KSR2: variants seen among roughly 807,000 people sequenced by gnomAD.
The protein encoded by KSR2 is kinase suppressor of ras 2.
A neutral mutation model predicts 107.8 loss-of-function variants in KSR2; 25 were observed. That is an observed-to-expected ratio of 0.23 (90% CI 0.17 to 0.32). KSR2 has a LOEUF of 0.32. Among genes scored for constraint, KSR2 ranks in the 10% least tolerant of loss-of-function variants. The pLI is 1.00. For missense variants in KSR2, 887 were observed against 1,268.9 expected, an observed-to-expected ratio of 0.70 and a Z score of 4.57; for synonymous variants, 480 against 507.0, an observed-to-expected ratio of 0.95 and a Z score of 0.71.
chr12:117,946,940 G>T (rs1315039335), intron 1 of KSR2, among the ~76,000 whole-genome samples: 2 of 151,792 alleles, frequency 1.3e-5, no homozygotes, highest in South Asian at 4.2e-4. Context: ...CGAGGCAGAC[G>T]GATTACTTGA....
intron 5 of KSR2, among the ~76,000 whole-genome samples, chr12:117,648,977 G>A (rs556880515): frequency 6.6e-6 from 1 of 152,182 alleles, no homozygotes; most frequent in South Asian, 2.1e-4. Flanking sequence ...CTGCCTGTCT[G>A]TTTGCTGTCT....
chr12:117,881,213 C>T (rs1003586087), intron 1 of KSR2, among the ~76,000 whole-genome samples: 2 of 152,124 alleles, frequency 1.3e-5, no homozygotes, highest in East Asian at 1.9e-4. Context: ...AGGCCTTTTC[C>T]GTAAGCAACA....
intron 14 of KSR2, among the ~76,000 whole-genome samples, chr12:117,501,443 G>A (rs756765943): frequency 6.6e-6 from 1 of 152,162 alleles, no homozygotes; most frequent in Non-Finnish European, 1.5e-5. Context: ...ATTGGGGTGC[G>A]GTTAAGGTCA....
chr12:117,695,542 C>A (rs1274795780), intron 4 of KSR2, among the ~76,000 whole-genome samples: 374 of 131,044 alleles, frequency 2.9e-3, no homozygotes, highest in East Asian at 7.0e-3. Flanking sequence ...CCCATTTCTA[C>A]AAAAAAAAAA....
At chr12:117,885,276 A>G (rs1414080978) in intron 1 of KSR2, among the ~76,000 whole-genome samples, 1 of 152,212 alleles carries the variant, frequency 6.6e-6, no homozygotes, top group Admixed American at 6.5e-5. Flanking sequence ...CTTTCTACGT[A>G]GAAGGCATGA....
chr12:117,761,025 C>T lies in KSR2; in HGVS notation c.972G>A (p.Glu324=). The change falls in exon 4 of 20, where the codon GAG becomes GAA. Residue 324 remains glutamate (E), a synonymous_variant. Transcript: ENST00000339824. ...HEFQLGHRVD[E]AHTPKAKKKS... ...ATCGCACTCACTTGGGCGTGTGGGC[C>T]TCGTCCACGCGGTGCCCCAGCTGGA... is the stretch of plus-strand genomic sequence containing the variant. 6.2e-7 allele frequency: 1 copy of T among 1,613,700 alleles called. No homozygotes were observed. The highest frequency in any genetic ancestry group is 1.3e-5 in the African/African-American group (1 of 75,058).
At chr12:117,957,767 A>ACACACACACG (rs1469785017) in intron 1 of KSR2, among the ~76,000 whole-genome samples, 1 of 150,266 alleles carries the variant, frequency 6.7e-6, no homozygotes, top group Admixed American at 6.7e-5. Context: ...ACACACACAC[A>ACACACACACG]CACACGCACA....
intron 1 of KSR2, among the ~76,000 whole-genome samples, chr12:117,900,569 T>C (rs1479880946): frequency 6.8e-6 from 1 of 146,710 alleles, no homozygotes; most frequent in Non-Finnish European, 1.5e-5. Flanking sequence ...TATATATATA[T>C]ATGTTGCATC....
chr12:117,907,131 C>G lies in KSR2; in HGVS notation c.181-46700G>C, dbSNP rs534794871. The stretch of plus-strand genomic sequence containing the variant: ...GCCCTTCAACAATTCTATTATCCCC[C>G]CTTTGGATAGATGGGGAAGCTGAAG... On this transcript the variant is annotated intron_variant, in intron 1 of 19. Transcript: ENST00000339824. The surrounding 1 kb of genome is among the most constrained non-coding windows in gnomAD (Gnocchi z 4.3). Among the ~76,000 whole-genome samples the G allele has an allele frequency of 3.9e-5, 6 of 152,312 alleles. No homozygotes were observed. The highest frequency in any genetic ancestry group is 8.8e-5 in the Non-Finnish European group (6 of 68,032).
chr12:117,566,360 T>A (rs2136202874), intron 7 of KSR2, among the ~76,000 whole-genome samples: 1 of 152,316 alleles, frequency 6.6e-6, no homozygotes, highest in South Asian at 2.1e-4. Flanking sequence ...CCTCACGTGA[T>A]CTGCCTACCT....
At chr12:117,636,408 A>G (rs1883077913) in intron 5 of KSR2, among the ~76,000 whole-genome samples, 1 of 151,682 alleles carries the variant, frequency 6.6e-6, no homozygotes, top group Non-Finnish European at 1.5e-5. Flanking sequence ...TATATATAAT[A>G]AGAAAACATT....
At chr12:117,808,341 C>G (rs190406731) in intron 3 of KSR2, among the ~76,000 whole-genome samples, 2 of 152,172 alleles carry the variant, frequency 1.3e-5, no homozygotes, top group African/African-American at 4.8e-5. Flanking sequence ...TCTTAGCCTA[C>G]AGTATCCACC....
At chr12:117,791,560 T>C (rs1890251001) in intron 3 of KSR2, among the ~76,000 whole-genome samples, 1 of 152,172 alleles carries the variant, frequency 6.6e-6, no homozygotes, top group African/African-American at 2.4e-5. Context: ...TAGCTCAGTG[T>C]GATTGGAACA....
intron 17 of KSR2, among the ~76,000 whole-genome samples, chr12:117,475,379 C>T (rs1871715712): frequency 6.6e-6 from 1 of 152,126 alleles, no homozygotes; most frequent in Admixed American, 6.6e-5. Flanking sequence ...GCTCCCTTTC[C>T]TCCCCCAACC....
chr12:117,550,523 T>C (rs1052391438), intron 9 of KSR2, among the ~76,000 whole-genome samples: 4 of 152,138 alleles, frequency 2.6e-5, no homozygotes, highest in African/African-American at 9.7e-5. Flanking sequence ...CAGAGCATAA[T>C]GGCAGCTGAC....
chr12:117,733,343 G>A (rs1329780247), intron 4 of KSR2, among the ~76,000 whole-genome samples: 1 of 152,100 alleles, frequency 6.6e-6, no homozygotes, highest in African/African-American at 2.4e-5. Flanking sequence ...GGGCCATGAT[G>A]CCTGCTATTC....
At chr12:117,878,793 A>G (rs1481258092) in intron 1 of KSR2, among the ~76,000 whole-genome samples, 1 of 152,192 alleles carries the variant, frequency 6.6e-6, no homozygotes, top group Admixed American at 6.5e-5. Flanking sequence ...GCAGCTTCCC[A>G]CTTTGGCCAC....
At chr12:117,668,459 G>A (rs533610535) in intron 4 of KSR2, among the ~76,000 whole-genome samples, 43 of 152,198 alleles carry the variant, frequency 2.8e-4, no homozygotes, top group Non-Finnish European at 5.6e-4. Flanking sequence ...GAGATCAGAA[G>A]AGTGATATAG....
chr12:117,503,369 T>A (rs1319075194), intron 14 of KSR2, among the ~76,000 whole-genome samples: 1 of 152,234 alleles, frequency 6.6e-6, no homozygotes, highest in Non-Finnish European at 1.5e-5. Flanking sequence ...CACTTTCCAA[T>A]CTCTTTGCAG....
Sources: gnomAD v4.1 joint callset for allele counts (sites outside exome capture counted in the v4.1 genomes callset) on GRCh38, gnomAD v4.1.1 for gene constraint, Gnocchi (gnomAD v3.1) non-coding constraint, MANE v1.5 for transcripts, NCBI Gene and HGNC (gene_info 2026-07-23, HGNC 2026-07-21) for gene names.